Variants in EPHB1 observed in about 807,000 individuals in gnomAD.
The protein encoded by EPHB1 is EPH receptor B1.
EPHB1 carries 30 observed loss-of-function variants against 94.4 expected under a neutral mutation model. That is an observed-to-expected ratio of 0.32 (90% CI 0.24 to 0.43). The LOEUF (loss-of-function observed/expected upper bound fraction) is 0.43. Among genes scored for constraint, EPHB1 ranks in the 20% least tolerant of loss-of-function variants. EPHB1 has a pLI of 1.00. For missense variants in EPHB1, 1,055 were observed against 1,308.3 expected (o/e 0.81, Z 2.99); for synonymous variants, 522 against 489.1 (o/e 1.07, Z -0.89).
At chr3:135,209,543 G>T (rs1215675479) in intron 12 of EPHB1, among the ~76,000 whole-genome samples, 1 of 152,164 alleles carries the variant, frequency 6.6e-6, no homozygotes, top group Non-Finnish European at 1.5e-5. Flanking sequence ...TAAAACTGAG[G>T]TACATTCTAT....
chr3:134,811,310 C>A (rs1231304298), intron 1 of EPHB1, among the ~76,000 whole-genome samples: 1 of 128,692 alleles, frequency 7.8e-6, no homozygotes. Flanking sequence ...GCGATCTCAG[C>A]TCACCGCAAA....
chr3:135,063,592 A>G lies in EPHB1; in HGVS notation c.806-42856A>G, dbSNP rs116390460. Among the ~76,000 whole-genome samples, 830 of 152,162 alleles carry G rather than the reference A, an allele frequency of 5.5e-3. 9 individuals are homozygous for G. Among genetic ancestry groups the G allele is most frequent in the African/African-American group, 0.019 (786 of 41,542 alleles). ...TATCAGTTCTAGAAGCTTTCTAGAG[A>G]AGTCTTCAGGGTTTTTGAGGTAAAT... On this transcript the variant is annotated intron_variant, in intron 3 of 15. Coordinates refer to ENST00000398015, the MANE Select transcript of EPHB1 (RefSeq NM_004441.5).
At chr3:135,235,875 A>ATGTT (rs941996334) in intron 12 of EPHB1, among the ~76,000 whole-genome samples, 1 of 152,160 alleles carries the variant, frequency 6.6e-6, no homozygotes, top group Non-Finnish European at 1.5e-5. Context: ...CAGTGATGAA[A>ATGTT]TGTTAGAGGG....
chr3:135,153,756 T>A (rs1220462420), intron 5 of EPHB1, among the ~76,000 whole-genome samples: 3 of 152,222 alleles, frequency 2.0e-5, no homozygotes, highest in African/African-American at 7.2e-5. Flanking sequence ...ATCTCTGCAA[T>A]AGCTCAGCCC....
chr3:134,858,864 C>T (rs2037182929), intron 1 of EPHB1, among the ~76,000 whole-genome samples: 2 of 152,174 alleles, frequency 1.3e-5, no homozygotes, highest in African/African-American at 2.4e-5. Flanking sequence ...AGTAGAGTCC[C>T]GCAGGGGCAC....
chr3:135,040,387 C>T (rs575209993), intron 3 of EPHB1, among the ~76,000 whole-genome samples: 3 of 152,346 alleles, frequency 2.0e-5, no homozygotes, highest in Admixed American at 6.5e-5. Flanking sequence ...AATAGCTCCC[C>T]ACATGCAGTG....
intron 1 of EPHB1, among the ~76,000 whole-genome samples, chr3:134,846,175 G>A (rs2036868595): frequency 6.6e-6 from 1 of 152,200 alleles, no homozygotes; most frequent in Non-Finnish European, 1.5e-5. Flanking sequence ...AGTTTTCTCT[G>A]TGTGTTCACC....
intron 1 of EPHB1, among the ~76,000 whole-genome samples, chr3:134,916,624 G>A (rs916083585): frequency 4.3e-4 from 65 of 152,318 alleles, no homozygotes; most frequent in African/African-American, 1.4e-3. Context: ...CTCACTGCCC[G>A]GGGCTGGCGC....
chr3:135,020,495 C>G (rs1935953445), intron 3 of EPHB1, among the ~76,000 whole-genome samples: 1 of 152,218 alleles, frequency 6.6e-6, no homozygotes, highest in South Asian at 2.1e-4. Context: ...TTTGCCTATT[C>G]TGGACATTTC....
intron 10 of EPHB1, 27 bp downstream of exon 10, chr3:135,180,009 G>C (rs549009306): frequency 3.1e-6 from 5 of 1,612,688 alleles, no homozygotes; most frequent in East Asian, 4.5e-5. Flanking sequence ...TCTTGTTTCT[G>C]TTCTCCTGGT....
intron 9 of EPHB1, among the ~76,000 whole-genome samples, chr3:135,177,835 G>A (rs1041844778): frequency 6.6e-6 from 1 of 152,140 alleles, no homozygotes; most frequent in African/African-American, 2.4e-5. Flanking sequence ...CTCTTCACTT[G>A]TTCTTTATAA....
chr3:134,945,170 A>G (rs1044161434), intron 2 of EPHB1, among the ~76,000 whole-genome samples: 18 of 152,200 alleles, frequency 1.2e-4, no homozygotes, highest in African/African-American at 4.3e-4. Context: ...TAAGTAACAA[A>G]TACTTTTTTT....
At chr3:135,257,289 C>T (rs1394773304) in intron 15 of EPHB1, among the ~76,000 whole-genome samples, 24 of 152,220 alleles carry the variant, frequency 1.6e-4, no homozygotes, top group African/African-American at 2.7e-4. Flanking sequence ...GGAGGAGAGG[C>T]GCTCTGCTTT....
chr3:134,802,716 G>A (rs1255708364), intron 1 of EPHB1, among the ~76,000 whole-genome samples: 3 of 152,116 alleles, frequency 2.0e-5, no homozygotes, highest in Non-Finnish European at 4.4e-5. Flanking sequence ...ACTGTAACTG[G>A]CTTGTATGTT....
intron 3 of EPHB1, among the ~76,000 whole-genome samples, chr3:135,018,528 T>G (rs564596576): frequency 2.0e-5 from 3 of 152,250 alleles, no homozygotes; most frequent in South Asian, 2.1e-4. Context: ...CACCCACCGA[T>G]CTCCTCCATG....
chr3:135,017,186 G>A (rs1480885545), intron 3 of EPHB1, among the ~76,000 whole-genome samples: 4 of 152,152 alleles, frequency 2.6e-5, no homozygotes, highest in Admixed American at 2.0e-4. Context: ...ACCAAGCACC[G>A]CCTTCACTGC....
intron 12 of EPHB1, among the ~76,000 whole-genome samples, chr3:135,217,331 G>A (rs1356343479): frequency 2.0e-5 from 3 of 151,820 alleles, no homozygotes; most frequent in Admixed American, 6.5e-5. Context: ...GTCCTCATGG[G>A]TAGAAAATGG....
intron 5 of EPHB1, among the ~76,000 whole-genome samples, chr3:135,142,569 G>C (rs1940863203): frequency 6.6e-6 from 1 of 152,218 alleles, no homozygotes; most frequent in African/African-American, 2.4e-5. Flanking sequence ...TGGAAGTAAA[G>C]GCCAAGAGTG....
chr3:134,893,337 C>T (rs1340235961), intron 1 of EPHB1, among the ~76,000 whole-genome samples: 2 of 152,206 alleles, frequency 1.3e-5, no homozygotes, highest in Non-Finnish European at 2.9e-5. Flanking sequence ...CTGCCTGGAA[C>T]ACTTCAGTGG....
Sources: allele counts gnomAD v4.1 joint callset (sites outside exome capture counted in the v4.1 genomes callset), GRCh38; gene constraint gnomAD v4.1.1; transcripts MANE v1.5; gene names NCBI Gene and HGNC (gene_info 2026-07-23, HGNC 2026-07-21).